Variants in ELK4 observed in about 807,000 individuals in gnomAD.
ELK4 encodes the protein ETS domain-containing protein Elk-4.
In ELK4, 16 loss-of-function variants were observed where a neutral mutation model predicts 29.6. That is an observed-to-expected ratio of 0.54 (90% CI 0.37 to 0.82). ELK4 has a LOEUF of 0.82. ELK4 is among the 40% of genes least tolerant of loss of function. ELK4 has a pLI of 0.00. For missense variants in ELK4, 465 were observed against 507.1 expected (o/e 0.92, Z 0.80); for synonymous variants, 213 against 191.1 (o/e 1.11, Z -0.95).
Position 205,620,288 on chromosome 1 carries a change from G to A in ELK4, c.758C>T (p.Pro253Leu). The stretch of plus-strand genomic sequence containing the variant: ...CAAAGGGGGTATGGACGAAATGGGT[G>A]GTGTGGTGGCAAAAGCAGTCATTAC... ...SNVMTAFATT[P>L]PISSIPPLQE... The change falls in exon 3 of 5, where the codon CCA becomes CTA. Residue 253 changes from proline to leucine, a missense_variant. Around this residue, in one of 2 missense-constraint regions of ELK4, gnomAD observed 385 missense variants for 387.5 expected, o/e 0.99. Coordinates refer to ENST00000357992, the MANE Select transcript of ELK4 (RefSeq NM_001973.4). The A allele has an allele frequency of 6.2e-7, 1 of 1,614,196 alleles. No individual in the cohort carries two copies. The highest frequency in any genetic ancestry group is 1.1e-5 in the South Asian group (1 of 91,086).
At chr1:205,629,872 T>C (rs577956263) in intron 1 of ELK4, among the ~76,000 whole-genome samples, 7 of 152,034 alleles carry the variant, frequency 4.6e-5, no homozygotes, top group Non-Finnish European at 8.8e-5. Flanking sequence ...AGGCAACATG[T>C]TGAAACCCTG....
Position 205,609,667 on chromosome 1 carries a change from T to C in ELK4, c.*6879A>G. ...GTAACAAAACAATGAAATGTCAGGA[T>C]TGTGTCCCCTACACAATAGACAATA... On this transcript the variant is annotated 3_prime_UTR_variant, in exon 5 of 5. Coordinates refer to ENST00000357992, the MANE Select transcript of ELK4 (RefSeq NM_001973.4). The C allele has an allele frequency of 4.8e-6, 1 of 206,372 alleles. No individual in the cohort carries two copies. Among genetic ancestry groups the C allele is most frequent in the Non-Finnish European group, 9.9e-6 (1 of 100,798 alleles). The allele number at this position is 206,372 out of a possible 1,614,324, so 12.8% of individuals were successfully genotyped here.
intron 2 of ELK4, among the ~76,000 whole-genome samples, chr1:205,622,716 G>C (rs1670374179): frequency 6.6e-6 from 1 of 152,230 alleles, no homozygotes; most frequent in Non-Finnish European, 1.5e-5. Flanking sequence ...TGACACACAT[G>C]AGAATATTTA....
At position 205,612,348 on chromosome 1, in the gene ELK4, C is replaced by G. The variant is rs1440503811; in HGVS notation, c.*4198G>C. ...GTGTGCTTCTGGAGGGTGCACAAGA[C>G]AACCAACTGGGGTGTGGGAAGAAAA... On this transcript the variant is annotated 3_prime_UTR_variant, in exon 5 of 5. Coordinates refer to ENST00000357992, the MANE Select transcript of ELK4 (RefSeq NM_001973.4). The G allele has an allele frequency of 4.7e-6, 1 of 215,026 alleles. No homozygotes were observed. Among genetic ancestry groups the G allele is most frequent in the African/African-American group, 2.3e-5 (1 of 44,266 alleles). 13.3% of individuals were successfully genotyped at this position (215,026 alleles called of 1,614,324 possible).
intron 1 of ELK4, chr1:205,625,808 A>T (rs12048218): frequency 0.12 from 72,275 of 611,732 alleles, 5,693 homozygotes; most frequent in East Asian, 0.31. Flanking sequence ...CCTCCCGAGT[A>T]GCTGGGATTA....
rs1670189347 is a variant in ELK4, at chr1:205,613,764, A to T, written c.*2782T>A. 9.9e-6 allele frequency: 2 copies of T among 202,544 alleles called. No individual in the cohort carries two copies. The highest frequency in any genetic ancestry group is 6.0e-5 in the Admixed American group (1 of 16,624). 12.5% of individuals were successfully genotyped at this position (202,544 alleles called of 1,614,324 possible). ...AGAAGGAAAGCTAAGGTATCAGAGA[A>T]GATGTCTCAAAACCCCATTCAATCT... On this transcript the variant is annotated 3_prime_UTR_variant, in exon 5 of 5. Coordinates refer to ENST00000357992, the MANE Select transcript of ELK4 (RefSeq NM_001973.4).
chr1:205,615,687 ATCC>A lies in ELK4; in HGVS notation c.*856_*858del. ...TTTCAAATATTCAAAATCCAAGTTC[ATCC>A]TCCTAAAAGTGATCATTTCCCATGC... On this transcript the variant is annotated 3_prime_UTR_variant, in exon 5 of 5. Coordinates refer to ENST00000357992, the MANE Select transcript of ELK4 (RefSeq NM_001973.4). 1 of 208,638 alleles carries A rather than the reference ATCC, an allele frequency of 4.8e-6. No individual in the cohort carries two copies. Among genetic ancestry groups the A allele is most frequent in the South Asian group, 1.9e-4 (1 of 5,324 alleles). The allele number at this position is 208,638 out of a possible 1,614,324, so 12.9% of individuals were successfully genotyped here. A position where few individuals can be genotyped will look rare whatever the true frequency, so the allele number is the denominator to read the frequency against.
In ELK4 at chr1:205,625,524, G is replaced by A. The variant is rs11240541; in HGVS notation, c.-9-1633C>T. ...AAGAAGAGCATCCGTTCAAGAAACG[G>A]GCGGCTCCGAGAGCAAGAAGACTGG... On this transcript the variant is annotated intron_variant, in intron 1 of 4. Coordinates refer to ENST00000357992, the MANE Select transcript of ELK4 (RefSeq NM_001973.4). 7 of 761,766 alleles carry A rather than the reference G, an allele frequency of 9.2e-6. No homozygotes were observed. The African/African-American group carries it at 1.2e-4, about 13-fold the overall frequency. The allele number at this position is 761,766 out of a possible 1,614,324, so 47.2% of individuals were successfully genotyped here. A position where few individuals can be genotyped will look rare whatever the true frequency, so the allele number is the denominator to read the frequency against.
At position 205,609,838 on chromosome 1, in the gene ELK4, T is replaced by C. The variant is rs1030110588; in HGVS notation, c.*6708A>G. On this transcript the variant is annotated 3_prime_UTR_variant, in exon 5 of 5. Coordinates refer to ENST00000357992, the MANE Select transcript of ELK4 (RefSeq NM_001973.4). ...GCTTGCAAATTATTTTAAAATATCC[T>C]AGCCAAAAGGGCATACCTTACAGAG... is the stretch of plus-strand genomic sequence containing the variant. 1.3e-5 allele frequency: 3 copies of C among 223,826 alleles called. No individual in the cohort carries two copies. Among genetic ancestry groups the C allele is most frequent in the African/African-American group, 6.7e-5 (3 of 44,878 alleles). The allele number at this position is 223,826 out of a possible 1,614,324, so 13.9% of individuals were successfully genotyped here.
intron 1 of ELK4, among the ~76,000 whole-genome samples, chr1:205,624,324 C>T (rs1325173033): frequency 6.6e-6 from 1 of 152,212 alleles, no homozygotes; most frequent in Non-Finnish European, 1.5e-5. Context: ...CAGGAGACCA[C>T]CATTCCAGCA....
chr1:205,631,276 G>A (rs970068155), intron 1 of ELK4, among the ~76,000 whole-genome samples: 8 of 152,228 alleles, frequency 5.3e-5, no homozygotes, highest in African/African-American at 1.7e-4. Flanking sequence ...CAACCTCACC[G>A]GGCCTTGGTA....
chr1:205,619,946 A>T lies in ELK4; in HGVS notation c.1080+20T>A. 1.2e-6 allele frequency: 2 copies of T among 1,614,236 alleles called. No homozygotes were observed. Among genetic ancestry groups the T allele is most frequent in the Non-Finnish European group, 1.7e-6 (2 of 1,180,032 alleles). On this transcript the variant is annotated intron_variant, in intron 3 of 4. Coordinates refer to ENST00000357992, the MANE Select transcript of ELK4 (RefSeq NM_001973.4). Reference sequence around the variant, plus strand: ...AATAAATGAAAGCAATGGTGACACCATAAAGAGCGAGCAAGCTACCTGTGA... The same window carrying T: ...AATAAATGAAAGCAATGGTGACACCTTAAAGAGCGAGCAAGCTACCTGTGA...
chr1:205,623,317 T>C (rs72750906), intron 2 of ELK4, among the ~76,000 whole-genome samples: 17,883 of 150,328 alleles, frequency 0.12, 1,268 homozygotes, highest in East Asian at 0.34. Flanking sequence ...GGAATCTTTT[T>C]TTTTTTTTTT....
intron 1 of ELK4, among the ~76,000 whole-genome samples, chr1:205,630,736 G>C (rs569583503): frequency 2.4e-4 from 37 of 152,288 alleles, no homozygotes; most frequent in Non-Finnish European, 5.1e-4. Flanking sequence ...TAAAATCAAA[G>C]AGAAGAGTGT....
At position 205,623,759 on chromosome 1, in the gene ELK4, C is replaced by T; in HGVS notation, c.124G>A (p.Ala42Thr). The T allele has an allele frequency of 6.2e-7, 1 of 1,614,156 alleles. No individual in the cohort carries two copies. Among genetic ancestry groups the T allele is most frequent in the Non-Finnish European group, 8.5e-7 (1 of 1,180,042 alleles). Residue 42 changes from alanine to threonine, a missense_variant, in exon 2 of 5, where the codon GCT becomes ACT. By Grantham distance (58) the Ala-to-Thr change is moderately conservative (BLOSUM62 0). Transcript: ENST00000357992. ...TTCTTGCGAATCCCCCAGAGACGAG[C>T]CACCTCTTCTGCCTGCAAAAGCTTA... The part of the protein sequence containing the change: ...QFKLLQAEEV[A>T]RLWGIRKNKP...
intron 2 of ELK4, among the ~76,000 whole-genome samples, chr1:205,622,999 T>C (rs992106509): frequency 6.6e-6 from 1 of 150,808 alleles, no homozygotes; most frequent in African/African-American, 2.4e-5. Context: ...AATAAATAAA[T>C]AATAAAAAAT....
chr1:205,618,983 G>A lies in ELK4; in HGVS notation c.1171C>T (p.Leu391=), dbSNP rs1341761348. The A allele has an allele frequency of 5.0e-6, 8 of 1,611,114 alleles. No individual in the cohort carries two copies. The highest frequency in any genetic ancestry group is 6.8e-6 in the Non-Finnish European group (8 of 1,178,978). Residue 391 remains leucine (L), a synonymous_variant, in exon 4 of 5, where the codon CTG becomes TTG. Coordinates refer to ENST00000357992, the MANE Select transcript of ELK4 (RefSeq NM_001973.4). ...SPVAPLSPAR[L]QGANTLFQFP... Reference sequence around the variant, plus strand: ...TGGAAAAGTGTGTTAGCACCTTGCAGTCTGGCTGGACTTAGGGGAGCAACA... The same window carrying A: ...TGGAAAAGTGTGTTAGCACCTTGCAATCTGGCTGGACTTAGGGGAGCAACA...
Position 205,610,483 on chromosome 1 carries a change from C to T in ELK4, c.*6063G>A, listed in dbSNP as rs151166460. The T allele has an allele frequency of 8.4e-4, 193 of 229,490 alleles. 1 individual carries two copies. In the East Asian group the frequency reaches 0.012, roughly 14 times the overall value. 14.2% of individuals were successfully genotyped at this position (229,490 alleles called of 1,614,324 possible). A position where few individuals can be genotyped will look rare whatever the true frequency, so the allele number is the denominator to read the frequency against. On this transcript the variant is annotated 3_prime_UTR_variant, in exon 5 of 5. Transcript: ENST00000357992. Reference sequence around the variant, plus strand: ...AACTTACAAACTAATAAAGATTTTACACAAAAGCAAACATAAATGTAGAAA... The same window carrying T: ...AACTTACAAACTAATAAAGATTTTATACAAAAGCAAACATAAATGTAGAAA...
chr1:205,625,618 AC>A, intron 1 of ELK4: 2 of 1,226,084 alleles, frequency 1.6e-6, no homozygotes, highest in Non-Finnish European at 2.4e-6. Context: ...GGAGACCTGG[AC>A]CAAAAGAAAT....
Sources: gnomAD v4.1 joint callset for allele counts (sites outside exome capture counted in the v4.1 genomes callset) on GRCh38, gnomAD v4.1.1 for gene constraint, gnomAD v4.1.1 regional missense constraint, MANE v1.5 for transcripts, NCBI Gene and HGNC (gene_info 2026-07-23, HGNC 2026-07-21) for gene names.